Variants in ZSCAN5A observed in about 807,000 individuals in gnomAD.
The protein encoded by ZSCAN5A is zinc finger and SCAN domain containing 5A.
ZSCAN5A carries 12 observed loss-of-function variants against 23.7 expected under a neutral mutation model. The ratio of observed to expected loss-of-function variants is 0.51; its 90% CI spans 0.32 to 0.82. The LOEUF (loss-of-function observed/expected upper bound fraction) is 0.82, where lower values mean the gene tolerates loss of function less well. Among genes scored for constraint, ZSCAN5A ranks in the 40% least tolerant of loss-of-function variants. The pLI, the probability that ZSCAN5A is intolerant of heterozygous loss-of-function variation, is 0.03. For synonymous variants in ZSCAN5A, 257 were observed against 239.9 expected (o/e 1.07, Z -0.66); for missense variants, 597 against 617.9 (o/e 0.97, Z 0.36).
chr19:56,322,980 C>T (rs1157006379), intron 2 of ZSCAN5A, among the ~76,000 whole-genome samples: 3 of 146,570 alleles, frequency 2.0e-5, no homozygotes, highest in Non-Finnish European at 3.0e-5. Context: ...CTGCAAGCTT[C>T]GCCTCCCGGG....
chr19:56,346,732 G>A (rs555645991), intron 2 of ZSCAN5A, among the ~76,000 whole-genome samples: 3 of 150,702 alleles, frequency 2.0e-5, no homozygotes, highest in East Asian at 3.9e-4. Context: ...TTTTTTAGAC[G>A]GAGTCTCGCT....
intron 2 of ZSCAN5A, chr19:56,320,118 C>T (rs778315572): frequency 1.3e-6 from 1 of 762,556 alleles, no homozygotes; most frequent in Admixed American, 1.7e-5. Flanking sequence ...TCAGAGCCAT[C>T]TGTTAACTGT....
In ZSCAN5A at chr19:56,338,970, A is replaced by T. The variant is rs531506092; in HGVS notation, c.-357-22702T>A. 2.6e-5 allele frequency among the ~76,000 whole-genome samples: 4 copies of T among 152,336 alleles called. No individual in the cohort carries two copies. In the East Asian group the frequency reaches 7.7e-4, roughly 29 times the overall value. ...CTTGACAGTGACGTAATGTATTTGGAGTGCAAAAATGCCTGCAGGGAATTC... is the reference window on the plus strand; with the variant it reads ...CTTGACAGTGACGTAATGTATTTGGTGTGCAAAAATGCCTGCAGGGAATTC... On this transcript the variant is annotated intron_variant, in intron 2 of 6. Coordinates refer to the ZSCAN5A transcript ENST00000587340.
At chr19:56,259,689 G>A (rs1057276138) in intron 2 of ZSCAN5A, among the ~76,000 whole-genome samples, 2 of 152,224 alleles carry the variant, frequency 1.3e-5, no homozygotes, top group Non-Finnish European at 2.9e-5. Flanking sequence ...AAATGAAAAA[G>A]TTGACCGGGC....
At chr19:56,251,224 C>T (rs962704040) in intron 2 of ZSCAN5A, among the ~76,000 whole-genome samples, 2 of 151,588 alleles carry the variant, frequency 1.3e-5, no homozygotes, top group African/African-American at 4.8e-5. Context: ...TTCAGGAAGA[C>T]CCTTCTGTAT....
chr19:56,224,550 T>C (rs1011789575), intron 3 of ZSCAN5A, 113 bp downstream of exon 3: 79 of 1,334,480 alleles, frequency 5.9e-5, no homozygotes, highest in Non-Finnish European at 7.5e-5. Context: ...AACTCTCCTC[T>C]ACTTGGAAGC....
chr19:56,224,561 C>T, intron 3 of ZSCAN5A, 102 bp downstream of exon 3: 1 of 1,435,342 alleles, frequency 7.0e-7, no homozygotes, highest in Non-Finnish European at 9.4e-7. Context: ...ACTTGGAAGC[C>T]CTGACCTAGA....
At chr19:56,262,178 C>T (rs1005853474) in intron 2 of ZSCAN5A, among the ~76,000 whole-genome samples, 8 of 151,880 alleles carry the variant, frequency 5.3e-5, no homozygotes, top group Non-Finnish European at 1.0e-4. Flanking sequence ...CCACCATGAT[C>T]GGCTAATTTT....
At position 56,355,693 on chromosome 19, in the gene ZSCAN5A, T is replaced by C. The variant is rs1197106055; in HGVS notation, c.-358+7542A>G. On this transcript the variant is annotated intron_variant, in intron 2 of 6. Coordinates refer to the ZSCAN5A transcript ENST00000587340. ...GTGTTTATTGGCAAATAGTGCAAGATGTTTGAAGCGCAGTTTGTGTGTGTT... is the reference window on the plus strand; with the variant it reads ...GTGTTTATTGGCAAATAGTGCAAGACGTTTGAAGCGCAGTTTGTGTGTGTT... 1.3e-5 allele frequency among the ~76,000 whole-genome samples: 2 copies of C among 149,094 alleles called. 1 individual carries two copies. Among genetic ancestry groups the C allele is most frequent in the Non-Finnish European group, 3.0e-5 (2 of 67,348 alleles).
rs1194172666 is a variant in ZSCAN5A at position 56,321,568 on chromosome 19, C to T, written c.-357-5300G>A. ...CTGTCTTCTTAAGCAAGCTCACTAC[C>T]TCCCTGTCATTGACTGTGGCATCCC... On this transcript the variant is annotated intron_variant, in intron 2 of 6. Transcript: ENST00000587340. 1.2e-5 allele frequency: 9 copies of T among 768,284 alleles called. No homozygotes were observed. The Admixed American group carries it at 1.4e-4, about 12-fold the overall frequency. The allele number at this position is 768,284 out of a possible 1,614,324, so 47.6% of individuals were successfully genotyped here.
chr19:56,361,221 T>C (rs2041731810), intron 2 of ZSCAN5A, among the ~76,000 whole-genome samples: 2 of 152,112 alleles, frequency 1.3e-5, no homozygotes, highest in African/African-American at 2.4e-5. Flanking sequence ...GCTGGCGAGG[T>C]TGCAGAGAAA....
intron 2 of ZSCAN5A, among the ~76,000 whole-genome samples, chr19:56,326,336 T>C (rs567909215): frequency 6.6e-6 from 1 of 151,644 alleles, no homozygotes; most frequent in Non-Finnish European, 1.5e-5. Flanking sequence ...TGTGTGTGTG[T>C]GGTGAGAACA....
At chr19:56,327,774 T>C (rs528167514) in intron 2 of ZSCAN5A, among the ~76,000 whole-genome samples, 1 of 151,980 alleles carries the variant, frequency 6.6e-6, no homozygotes, top group African/African-American at 2.4e-5. Context: ...TGTTTTTACA[T>C]GTGTATTTAC....
chr19:56,309,708 G>A (rs1377623297), intron 2 of ZSCAN5A, among the ~76,000 whole-genome samples: 1 of 152,210 alleles, frequency 6.6e-6, no homozygotes, highest in East Asian at 1.9e-4. Flanking sequence ...AGCCAGGCCT[G>A]GGCAGTCCCT....
intron 2 of ZSCAN5A, among the ~76,000 whole-genome samples, chr19:56,311,099 T>C (rs2041007440): frequency 6.6e-6 from 1 of 152,138 alleles, no homozygotes; most frequent in Non-Finnish European, 1.5e-5. Flanking sequence ...GGGGTTTCGT[T>C]GTTGTTGTTG....
At chr19:56,231,996 C>CTTTTTCTTTTTT (rs1555793342) in intron 2 of ZSCAN5A, among the ~76,000 whole-genome samples, 1 of 124,986 alleles carries the variant, frequency 8.0e-6, no homozygotes, top group Non-Finnish European at 1.6e-5. Context: ...TTTTTCTTTT[C>CTTTTTCTTTTTT]TTTTTTTTTG....
Position 56,332,537 on chromosome 19 carries a change from G to A in ZSCAN5A, c.-357-16269C>T, listed in dbSNP as rs114966293. Among the ~76,000 whole-genome samples, 634 of 152,146 alleles carry A rather than the reference G, an allele frequency of 4.2e-3. 6 individuals are homozygous for A. The highest frequency in any genetic ancestry group is 0.014 in the African/African-American group (596 of 41,490). ...TTCTTCCAACCTTTTACTTTGAGCC[G>A]TATGGGTGTTGTCACATGTGAGATG... On this transcript the variant is annotated intron_variant, in intron 2 of 6. Transcript: ENST00000587340.
At chr19:56,358,184 G>A (rs780581737) in intron 2 of ZSCAN5A, among the ~76,000 whole-genome samples, 1 of 148,686 alleles carries the variant, frequency 6.7e-6, no homozygotes, top group African/African-American at 2.5e-5. Context: ...GCAGTGGTGC[G>A]ATCTCAGCTT....
rs765875730 is a variant in ZSCAN5A at position 56,222,031 on chromosome 19, C to G, written c.1035G>C (p.Pro345=). ...GCAGTGCCTTGGCTTCTTGGCCATC[C>G]GGGTGACTGACTGGGCTCGCAGGGC... ...SPGPASPVSH[P]DGQEAKALPP... is the part of the protein sequence containing the mutation. Residue 345 remains proline, a synonymous_variant, in exon 6 of 6, where the codon CCG becomes CCC. Transcript: ENST00000683990. 2 of 1,614,136 alleles carry G rather than the reference C, an allele frequency of 1.2e-6. No individual in the cohort carries two copies. Among genetic ancestry groups the G allele is most frequent in the Non-Finnish European group, 1.7e-6 (2 of 1,180,014 alleles).
Sources: allele counts gnomAD v4.1 joint callset (sites outside exome capture counted in the v4.1 genomes callset), GRCh38; gene constraint gnomAD v4.1.1; transcripts MANE v1.5; gene names NCBI Gene and HGNC (gene_info 2026-07-23, HGNC 2026-07-21).